Variants in PCNX1 observed in about 807,000 individuals in gnomAD.
PCNX1 encodes the protein pecanex 1.
PCNX1 carries 78 observed loss-of-function variants against 242.2 expected under a neutral mutation model. The observed-to-expected ratio is 0.32, with a 90% CI of 0.27 to 0.39. The LOEUF (loss-of-function observed/expected upper bound fraction) is 0.39, where lower values mean the gene tolerates loss of function less well. Among genes scored for constraint, PCNX1 ranks in the 10% least tolerant of loss-of-function variants. PCNX1 has a pLI of 1.00. For missense variants in PCNX1, 2,581 were observed against 2,856.5 expected, an observed-to-expected ratio of 0.90 and a Z score of 2.20; for synonymous variants, 1,024 against 1,032.9, an observed-to-expected ratio of 0.99 and a Z score of 0.17.
chr14:71,048,693 A>G (rs2060935755), intron 22 of PCNX1, among the ~76,000 whole-genome samples: 1 of 152,214 alleles, frequency 6.6e-6, no homozygotes. Flanking sequence ...ATGAACAGCT[A>G]CAAAACACAA....
chr14:70,964,510 A>G (rs992385155), intron 3 of PCNX1, among the ~76,000 whole-genome samples: 1 of 152,176 alleles, frequency 6.6e-6, no homozygotes, highest in Non-Finnish European at 1.5e-5. Context: ...ATATGGCTGC[A>G]TGTCTTGTAT....
At chr14:70,953,099 C>G (rs1201371512) in intron 2 of PCNX1, among the ~76,000 whole-genome samples, 4 of 151,824 alleles carry the variant, frequency 2.6e-5, no homozygotes, top group Admixed American at 6.6e-5. Flanking sequence ...GAGACCTTGT[C>G]TTTACAAAAA....
intron 26 of PCNX1, among the ~76,000 whole-genome samples, chr14:71,069,313 C>T (rs1008918284): frequency 2.0e-5 from 3 of 152,102 alleles, no homozygotes; most frequent in Non-Finnish European, 4.4e-5. Context: ...AAAAATTGAA[C>T]CATTTTTCAT....
chr14:71,000,811 C>T (rs1417640127), intron 8 of PCNX1, among the ~76,000 whole-genome samples: 1 of 152,180 alleles, frequency 6.6e-6, no homozygotes, highest in Non-Finnish European at 1.5e-5. Context: ...TAGGCATGAG[C>T]CACCATGCCC....
chr14:71,041,064 G>A (rs764665114), intron 19 of PCNX1, among the ~76,000 whole-genome samples: 6 of 151,810 alleles, frequency 4.0e-5, no homozygotes, highest in African/African-American at 7.3e-5. Context: ...TTCTTTATCC[G>A]TTCATTCATC....
At chr14:70,952,145 A>C (rs2057806959) in intron 2 of PCNX1, among the ~76,000 whole-genome samples, 1 of 152,248 alleles carries the variant, frequency 6.6e-6, no homozygotes, top group African/African-American at 2.4e-5. Context: ...GAAATAATAT[A>C]TAGAGAGTTC....
In PCNX1 at chr14:71,114,477, A is replaced by G. The variant is rs1161628037; in HGVS notation, c.*4542A>G. Reference sequence around the variant, plus strand: ...ACCTCACCAGAGTCATCTGTCAAGAATTATGTATAACAATTTATCTTTATT... The same window carrying G: ...ACCTCACCAGAGTCATCTGTCAAGAGTTATGTATAACAATTTATCTTTATT... On this transcript the variant is annotated 3_prime_UTR_variant, in exon 36 of 36. Coordinates refer to ENST00000304743, the MANE Select transcript of PCNX1 (RefSeq NM_014982.3). 6.6e-6 allele frequency: 1 copy of G among 152,470 alleles called. No individual in the cohort carries two copies. The highest frequency in any genetic ancestry group is 2.4e-5 in the African/African-American group (1 of 41,458). The allele number at this position is 152,470 out of a possible 1,614,324, so 9.4% of individuals were successfully genotyped here. A position where few individuals can be genotyped will look rare whatever the true frequency, so the allele number is the denominator to read the frequency against.
chr14:70,953,279 G>GA (rs1251335863), intron 2 of PCNX1, among the ~76,000 whole-genome samples: 1 of 151,966 alleles, frequency 6.6e-6, no homozygotes, highest in Non-Finnish European at 1.5e-5. Context: ...ACCCTGTCTT[G>GA]AAAAAATTTG....
At chr14:71,024,222 A>G (rs1443928335) in intron 13 of PCNX1, among the ~76,000 whole-genome samples, 1 of 152,140 alleles carries the variant, frequency 6.6e-6, no homozygotes, top group Admixed American at 6.5e-5. Context: ...AGAAACAAAG[A>G]TATTCCTTTA....
In PCNX1 at chr14:71,089,301, G is replaced by A; in HGVS notation, c.5548G>A (p.Val1850Ile). 6.2e-7 allele frequency: 1 copy of A among 1,613,042 alleles called. No individual in the cohort carries two copies. Among genetic ancestry groups the A allele is most frequent in the Non-Finnish European group, 8.5e-7 (1 of 1,179,270 alleles). Residue 1850 changes from valine to isoleucine, a missense_variant, in exon 30 of 36, where the codon GTA becomes ATA. Val to Ile is a conservative substitution (Grantham distance 29). Coordinates refer to ENST00000304743, the MANE Select transcript of PCNX1 (RefSeq NM_014982.3). ...TGCTGACATGGAATTGCTAAGAAAA[G>A]TAGTAGTCCCTGGGATCCGTATGTC... is the stretch of plus-strand genomic sequence containing the variant. ...IFADMELLRK[V>I]VVPGIRMSIK...
intron 28 of PCNX1, among the ~76,000 whole-genome samples, chr14:71,088,054 T>C (rs1234282082): frequency 6.6e-6 from 1 of 152,142 alleles, no homozygotes; most frequent in African/African-American, 2.4e-5. Flanking sequence ...TACTTTAAAA[T>C]CTTTAGCTAA....
chr14:70,951,692 G>T (rs983012610), intron 2 of PCNX1, among the ~76,000 whole-genome samples: 3 of 151,936 alleles, frequency 2.0e-5, no homozygotes, highest in Non-Finnish European at 2.9e-5. Context: ...ATATTATTTT[G>T]ATTATTCTCA....
chr14:70,981,447 A>C (rs1482985771), intron 6 of PCNX1, among the ~76,000 whole-genome samples: 1 of 152,158 alleles, frequency 6.6e-6, no homozygotes, highest in Non-Finnish European at 1.5e-5. Flanking sequence ...TATTAACATC[A>C]ATTTAGTGAC....
chr14:70,952,719 AT>A (rs200253880), intron 2 of PCNX1, among the ~76,000 whole-genome samples: 1,795 of 152,230 alleles, frequency 0.012, 38 homozygotes, highest in African/African-American at 0.041. Flanking sequence ...TCTTCTATTT[AT>A]AGCCATTCAG....
In PCNX1 at chr14:71,111,278, A is replaced by G. The variant is rs1357867713; in HGVS notation, c.*1343A>G. The G allele has an allele frequency of 6.6e-6, 1 of 152,646 alleles. No individual in the cohort carries two copies. Among genetic ancestry groups the G allele is most frequent in the African/African-American group, 2.4e-5 (1 of 41,460 alleles). 9.5% of individuals were successfully genotyped at this position (152,646 alleles called of 1,614,324 possible). A position where few individuals can be genotyped will look rare whatever the true frequency, so the allele number is the denominator to read the frequency against. On this transcript the variant is annotated 3_prime_UTR_variant, in exon 36 of 36. Coordinates refer to ENST00000304743, the MANE Select transcript of PCNX1 (RefSeq NM_014982.3). The stretch of plus-strand genomic sequence containing the variant: ...AATTTAGATTTAATTTGCAACTCTT[A>G]GCATTTTTTAAATCCTTGATAAAAT...
At chr14:70,970,376 T>G (rs955249289) in intron 5 of PCNX1, among the ~76,000 whole-genome samples, 4 of 152,038 alleles carry the variant, frequency 2.6e-5, no homozygotes, top group Admixed American at 6.6e-5. Context: ...TCTCTCTCAG[T>G]CAATCAACCA....
rs751881133 is a variant in PCNX1, at chr14:71,109,821, C to T, written c.6912C>T (p.Ser2304=). 1.2e-6 allele frequency: 2 copies of T among 1,613,522 alleles called. No homozygotes were observed. Among genetic ancestry groups the T allele is most frequent in the South Asian group, 2.2e-5 (2 of 91,080 alleles). ...GHVIHRWVPC[S]RDPGTRSHID... ...TGATTCACCGATGGGTGCCTTGCAG[C>T]AGAGATCCAGGTACCAGATCCCACA... The change falls in exon 36 of 36, where the codon AGC becomes AGT. Residue 2304 remains serine (S), a synonymous_variant. Coordinates refer to ENST00000304743, the MANE Select transcript of PCNX1 (RefSeq NM_014982.3).
chr14:70,995,506 A>G (rs1388703526), intron 7 of PCNX1, among the ~76,000 whole-genome samples: 2 of 152,172 alleles, frequency 1.3e-5, no homozygotes, highest in Non-Finnish European at 2.9e-5. Context: ...AGATTGACCA[A>G]TTTACATGTA....
Position 70,968,356 on chromosome 14 carries a change from CTT to C in PCNX1, c.514+116_514+117del, listed in dbSNP as rs2058443149. On this transcript the variant is annotated intron_variant, in intron 4 of 35. Coordinates refer to ENST00000304743, the MANE Select transcript of PCNX1 (RefSeq NM_014982.3). ...AATGAAAAAAATCATTCTTGAAATTCTTTTATAGATAAAATTATTTATCTTAT... is the reference window on the plus strand; with the variant it reads ...AATGAAAAAAATCATTCTTGAAATTCTTATAGATAAAATTATTTATCTTAT... 4.7e-5 allele frequency: 29 copies of C among 610,544 alleles called. No individual in the cohort carries two copies. The South Asian group carries it at 7.1e-4, about 15-fold the overall frequency. 37.8% of individuals were successfully genotyped at this position (610,544 alleles called of 1,614,324 possible). A position where few individuals can be genotyped will look rare whatever the true frequency, so the allele number is the denominator to read the frequency against.
Sources: gnomAD v4.1 joint callset for allele counts (sites outside exome capture counted in the v4.1 genomes callset) on GRCh38, gnomAD v4.1.1 for gene constraint, MANE v1.5 for transcripts, NCBI Gene and HGNC (gene_info 2026-07-23, HGNC 2026-07-21) for gene names.